NKAIN2: variants seen among roughly 807,000 people sequenced by gnomAD.
The protein encoded by NKAIN2 is sodium/potassium transporting ATPase interacting 2, also known as sodium/potassium-transporting ATPase subunit beta-1-interacting protein 2.
A neutral mutation model predicts 32.6 loss-of-function variants in NKAIN2; 14 were observed. The ratio of observed to expected loss-of-function variants is 0.43; its 90% CI spans 0.28 to 0.67. The LOEUF is 0.67. NKAIN2 is among the 30% of genes least tolerant of loss of function. The pLI is 0.17. For missense variants in NKAIN2, 198 were observed against 258.3 expected, an observed-to-expected ratio of 0.77 and a Z score of 1.60; for synonymous variants, 80 against 87.2, an observed-to-expected ratio of 0.92 and a Z score of 0.46.
At chr6:124,163,924 C>T (rs1439445145) in intron 1 of NKAIN2, among the ~76,000 whole-genome samples, 4 of 152,008 alleles carry the variant, frequency 2.6e-5, no homozygotes, top group East Asian at 3.9e-4. Context: ...TGCAGAAAGA[C>T]GAATAGAGAG....
At chr6:124,408,282 C>A (rs1773966725) in intron 3 of NKAIN2, among the ~76,000 whole-genome samples, 1 of 152,078 alleles carries the variant, frequency 6.6e-6, no homozygotes, top group African/African-American at 2.4e-5. Context: ...ATGCCTATGT[C>A]CTGAATGGTA....
chr6:124,335,725 A>C (rs1431927930), intron 2 of NKAIN2, among the ~76,000 whole-genome samples: 1 of 152,148 alleles, frequency 6.6e-6, no homozygotes, highest in Non-Finnish European at 1.5e-5. Flanking sequence ...TTATTCTAAT[A>C]TTCTTAACAT....
At chr6:123,982,416 C>CTGA (rs1411033090) in intron 1 of NKAIN2, among the ~76,000 whole-genome samples, 1 of 152,126 alleles carries the variant, frequency 6.6e-6, no homozygotes, top group Non-Finnish European at 1.5e-5. Context: ...AGAGATTTAA[C>CTGA]TGCATAGGGC....
intron 1 of NKAIN2, among the ~76,000 whole-genome samples, chr6:124,186,140 AAAGGAAGG>A (rs796078160): frequency 7.4e-6 from 1 of 135,082 alleles, no homozygotes; most frequent in Admixed American, 7.3e-5. Flanking sequence ...AAAAGAAAAG[AAAGGAAGG>A]AAGGAAGGGA....
chr6:124,023,422 C>G (rs1266623666), intron 1 of NKAIN2, among the ~76,000 whole-genome samples: 1 of 152,064 alleles, frequency 6.6e-6, no homozygotes, highest in Admixed American at 6.6e-5. Flanking sequence ...TCAAAGCTTT[C>G]CCCCTCTTGT....
intron 3 of NKAIN2, among the ~76,000 whole-genome samples, chr6:124,365,449 A>G (rs1287518777): frequency 2.6e-5 from 4 of 151,950 alleles, no homozygotes; most frequent in Non-Finnish European, 4.4e-5. Flanking sequence ...TAAAGGGGGA[A>G]ATGTAATAAT....
intron 1 of NKAIN2, among the ~76,000 whole-genome samples, chr6:123,966,056 A>T (rs1778061557): frequency 6.6e-6 from 1 of 152,084 alleles, no homozygotes; most frequent in Admixed American, 6.5e-5. Flanking sequence ...GTTTGGTGAC[A>T]CCCACTGGAC....
At chr6:124,498,617 G>A (rs746052172) in intron 3 of NKAIN2, among the ~76,000 whole-genome samples, 1 of 152,118 alleles carries the variant, frequency 6.6e-6, no homozygotes. Context: ...AATTTTCTTA[G>A]TGCTGTGATA....
chr6:124,188,063 T>C (rs961476018), intron 1 of NKAIN2, among the ~76,000 whole-genome samples: 1 of 152,194 alleles, frequency 6.6e-6, no homozygotes, highest in Non-Finnish European at 1.5e-5. Flanking sequence ...TCCACATTAC[T>C]TGAAGTAACA....
At chr6:124,720,500 G>A (rs1775960573) in intron 4 of NKAIN2, among the ~76,000 whole-genome samples, 1 of 152,150 alleles carries the variant, frequency 6.6e-6, no homozygotes, top group Non-Finnish European at 1.5e-5. Flanking sequence ...TTGACATGTT[G>A]AAAATCTGAA....
At chr6:124,395,782 A>T (rs1773350959) in intron 3 of NKAIN2, among the ~76,000 whole-genome samples, 1 of 152,196 alleles carries the variant, frequency 6.6e-6, no homozygotes, top group African/African-American at 2.4e-5. Flanking sequence ...GAAGCATTTG[A>T]ATAAATAGTT....
intron 1 of NKAIN2, among the ~76,000 whole-genome samples, chr6:124,218,235 A>G (rs1195203978): frequency 6.6e-6 from 1 of 152,196 alleles, no homozygotes; most frequent in Non-Finnish European, 1.5e-5. Flanking sequence ...TAGGGCTTAA[A>G]AGATACATGG....
chr6:123,821,719 G>A (rs932161525), intron 1 of NKAIN2, among the ~76,000 whole-genome samples: 1 of 152,184 alleles, frequency 6.6e-6, no homozygotes, highest in African/African-American at 2.4e-5. Flanking sequence ...GGAGCAAGGA[G>A]TGTGGCTGTG....
At chr6:124,777,841 C>T (rs909273784) in intron 4 of NKAIN2, among the ~76,000 whole-genome samples, 37 of 152,038 alleles carry the variant, frequency 2.4e-4, no homozygotes, top group African/African-American at 8.9e-4. Context: ...CCTGCAGAAG[C>T]AGACTGAGGC....
At chr6:124,732,045 C>A (rs1776706100) in intron 4 of NKAIN2, among the ~76,000 whole-genome samples, 1 of 151,998 alleles carries the variant, frequency 6.6e-6, no homozygotes, top group Admixed American at 6.6e-5. Context: ...AATGAAATAT[C>A]ATTCTAATAG....
At chr6:124,639,561 G>A (rs1783908323) in intron 3 of NKAIN2, among the ~76,000 whole-genome samples, 1 of 152,074 alleles carries the variant, frequency 6.6e-6, no homozygotes, top group Non-Finnish European at 1.5e-5. Flanking sequence ...TTGAACCCAG[G>A]AGGCAGAGGT....
At chr6:123,969,423 T>C (rs780188936) in intron 1 of NKAIN2, among the ~76,000 whole-genome samples, 1 of 152,214 alleles carries the variant, frequency 6.6e-6, no homozygotes, top group African/African-American at 2.4e-5. Context: ...AGAATAAATC[T>C]ACCTCTGCTA....
At chr6:124,589,513 C>G (rs1457679930) in intron 3 of NKAIN2, among the ~76,000 whole-genome samples, 1 of 152,042 alleles carries the variant, frequency 6.6e-6, no homozygotes, top group Non-Finnish European at 1.5e-5. Context: ...TAGGGAACAC[C>G]ACTGCTACAA....
intron 1 of NKAIN2, among the ~76,000 whole-genome samples, chr6:123,860,475 G>T (rs956735926): frequency 6.6e-6 from 1 of 152,040 alleles, no homozygotes; most frequent in African/African-American, 2.4e-5. Flanking sequence ...CAATGGCTCT[G>T]TCATGGCTCA....
Sources: gnomAD v4.1 joint callset for allele counts (sites outside exome capture counted in the v4.1 genomes callset) on GRCh38, gnomAD v4.1.1 for gene constraint, MANE v1.5 for transcripts, NCBI Gene and HGNC (gene_info 2026-07-23, HGNC 2026-07-21) for gene names.